ITPR1: variants seen among roughly 807,000 people sequenced by gnomAD.
The protein encoded by ITPR1 is inositol 1,4,5-trisphosphate-gated calcium channel ITPR1.
ITPR1 carries 96 observed loss-of-function variants against 318.4 expected under a neutral mutation model. The observed-to-expected ratio is 0.30, with a 90% CI of 0.26 to 0.36. The LOEUF is 0.36. ITPR1 is among the 10% of genes least tolerant of loss of function. ITPR1 has a pLI of 1.00. For synonymous variants in ITPR1, 1,312 were observed against 1,289.9 expected, an observed-to-expected ratio of 1.02 and a Z score of -0.37; for missense variants, 2,440 against 3,460.2, an observed-to-expected ratio of 0.71 and a Z score of 7.40.
At chr3:4,606,000 G>C (rs937121484) in intron 4 of ITPR1, among the ~76,000 whole-genome samples, 4 of 152,144 alleles carry the variant, frequency 2.6e-5, no homozygotes, top group African/African-American at 9.7e-5. Context: ...TATTTTAATT[G>C]GATCATTACC....
chr3:4,595,790 T>A (rs890961615), intron 4 of ITPR1, among the ~76,000 whole-genome samples: 2 of 152,112 alleles, frequency 1.3e-5, no homozygotes, highest in Admixed American at 1.3e-4. Flanking sequence ...GAGAAGTCAG[T>A]TGACTTTAGC....
chr3:4,778,480 T>A (rs537695268), intron 48 of ITPR1, among the ~76,000 whole-genome samples: 4 of 152,348 alleles, frequency 2.6e-5, no homozygotes, highest in African/African-American at 9.6e-5. Flanking sequence ...CACAGAAACC[T>A]GTGGGAATGG....
intron 42 of ITPR1, among the ~76,000 whole-genome samples, 171 bp downstream of exon 42, chr3:4,727,344 T>C (rs1228333423): frequency 6.6e-6 from 1 of 152,242 alleles, no homozygotes; most frequent in African/African-American, 2.4e-5. Context: ...ATAGTGGTTC[T>C]GCCCATTGTC....
rs542995251 is a variant in ITPR1 at position 4,824,135 on chromosome 3, C to T, written c.8028+5893C>T. Among the ~76,000 whole-genome samples, 7 of 152,276 alleles carry T rather than the reference C, an allele frequency of 4.6e-5. No individual in the cohort carries two copies. In the South Asian group the frequency reaches 1.5e-3, roughly 32 times the overall value. ...GGACAGTGAAATATCGGGGGAGAAC[C>T]TGCCCCCCCATGGTAGCTAGAGTGT... On this transcript the variant is annotated intron_variant, in intron 60 of 61. Coordinates refer to ENST00000649015, the MANE Select transcript of ITPR1 (RefSeq NM_001378452.1).
chr3:4,738,712 T>C (rs891156325), intron 44 of ITPR1, among the ~76,000 whole-genome samples: 3 of 152,202 alleles, frequency 2.0e-5, no homozygotes, highest in African/African-American at 7.2e-5. Flanking sequence ...TTCAAGTTCT[T>C]TATCTTGTAA....
At chr3:4,812,167 A>G (rs1327721781) in intron 56 of ITPR1, among the ~76,000 whole-genome samples, 5 of 150,880 alleles carry the variant, frequency 3.3e-5, no homozygotes, top group African/African-American at 1.2e-4. Flanking sequence ...CAGCCTCCCC[A>G]GTAGCTGAAA....
chr3:4,644,098 A>G, intron 7 of ITPR1, 38 bp from the exon 8 acceptor site: 1 of 1,374,142 alleles, frequency 7.3e-7, no homozygotes, highest in Non-Finnish European at 1.0e-6. Flanking sequence ...AGTCCTTATC[A>G]GTTTTGTGCA....
At chr3:4,692,945 A>G (rs892577508) in intron 32 of ITPR1, among the ~76,000 whole-genome samples, 1 of 152,086 alleles carries the variant, frequency 6.6e-6, no homozygotes, top group Admixed American at 6.5e-5. Flanking sequence ...ACATGGGGAA[A>G]CCCCGTCTCT....
chr3:4,677,522 G>A (rs191940158), intron 24 of ITPR1, among the ~76,000 whole-genome samples: 76 of 152,268 alleles, frequency 5.0e-4, no homozygotes, highest in African/African-American at 1.7e-3. Context: ...GGTATCTGAG[G>A]CAGAGGGAGC....
intron 4 of ITPR1, among the ~76,000 whole-genome samples, chr3:4,555,717 A>T (rs1473694158): frequency 2.0e-5 from 3 of 152,220 alleles, no homozygotes; most frequent in Non-Finnish European, 2.9e-5. Context: ...ATAAAAATTC[A>T]AACTATTTAT....
intron 52 of ITPR1, among the ~76,000 whole-genome samples, chr3:4,790,465 G>T (rs1397392217): frequency 6.6e-6 from 1 of 152,218 alleles, no homozygotes; most frequent in African/African-American, 2.4e-5. Context: ...GTTGTCAGCT[G>T]AAAGATTTTA....
In ITPR1 at chr3:4,820,560, C is replaced by T. The variant is rs28633388; in HGVS notation, c.8028+2318C>T. Among the ~76,000 whole-genome samples, 698 of 152,320 alleles carry T rather than the reference C, an allele frequency of 4.6e-3. 4 individuals are homozygous for T. Among genetic ancestry groups the T allele is most frequent in the Non-Finnish European group, 7.5e-3 (508 of 68,026 alleles). On this transcript the variant is annotated intron_variant, in intron 60 of 61. Transcript: ENST00000649015. ...CACCCAACCCGGTCAGAGCCTGCTGCGTGGCAACACTCTGAGGGCCTGGGT... is the reference window on the plus strand; with the variant it reads ...CACCCAACCCGGTCAGAGCCTGCTGTGTGGCAACACTCTGAGGGCCTGGGT...
At chr3:4,686,501 G>A (rs780387481) in intron 30 of ITPR1, among the ~76,000 whole-genome samples, 3 of 152,238 alleles carry the variant, frequency 2.0e-5, no homozygotes, top group Non-Finnish European at 2.9e-5. Flanking sequence ...GCTAACCATA[G>A]TGTTGTCTCA....
At chr3:4,534,168 G>A (rs2083654372) in intron 4 of ITPR1, among the ~76,000 whole-genome samples, 2 of 152,328 alleles carry the variant, frequency 1.3e-5, no homozygotes, top group South Asian at 4.1e-4. Flanking sequence ...TTACTTGGAT[G>A]TATTGTGTAG....
intron 60 of ITPR1, chr3:4,830,916 C>T (rs1411498609): frequency 2.2e-6 from 1 of 456,334 alleles, no homozygotes; most frequent in Non-Finnish European, 4.4e-6. Flanking sequence ...AAAAATGTTC[C>T]ATCGTTTAGG....
intron 5 of ITPR1, among the ~76,000 whole-genome samples, chr3:4,631,486 C>T (rs183733057): frequency 5.9e-5 from 9 of 152,162 alleles, no homozygotes; most frequent in Middle Eastern, 3.4e-3. Flanking sequence ...CTCAAATCCT[C>T]TTTTAAAAAT....
chr3:4,706,496 T>C (rs1011522476), intron 37 of ITPR1, 145 bp downstream of exon 37: 2 of 674,644 alleles, frequency 3.0e-6, no homozygotes, highest in Admixed American at 6.3e-5. Flanking sequence ...ATGTTATATA[T>C]GTAGGGCCAG....
intron 44 of ITPR1, among the ~76,000 whole-genome samples, chr3:4,753,552 T>C (rs1183380958): frequency 6.6e-6 from 1 of 151,504 alleles, no homozygotes; most frequent in East Asian, 1.9e-4. Flanking sequence ...ACATGAAGAG[T>C]CCCAGAGCAT....
chr3:4,621,251 AG>A (rs2125117281), intron 4 of ITPR1, among the ~76,000 whole-genome samples: 1 of 152,308 alleles, frequency 6.6e-6, no homozygotes, highest in African/African-American at 2.4e-5. Context: ...CTTGGCTTCT[AG>A]GCAGACCTCA....
Sources: allele counts gnomAD v4.1 joint callset (sites outside exome capture counted in the v4.1 genomes callset), GRCh38; gene constraint gnomAD v4.1.1; transcripts MANE v1.5; gene names NCBI Gene and HGNC (gene_info 2026-07-23, HGNC 2026-07-21).